The following CELA3B variants were observed in gnomAD, a reference collection of about 807,000 sequenced individuals.
CELA3B encodes the protein chymotrypsin like elastase 3B, also known as chymotrypsin-like elastase family member 3B.
In CELA3B, 34 loss-of-function variants were observed where a neutral mutation model predicts 37.2. That is an observed-to-expected ratio of 0.91 (90% CI 0.70 to 1.22). The LOEUF (loss-of-function observed/expected upper bound fraction) is 1.22, where lower values mean the gene tolerates loss of function less well. CELA3B is among the 50% of genes most tolerant of loss of function. CELA3B has a pLI of 0.00. For synonymous variants in CELA3B, 127 were observed against 143.5 expected (o/e 0.89, Z 0.82); for missense variants, 340 against 363.1 (o/e 0.94, Z 0.52).
At chr1:21,998,591 CCCTT>C (rs533809873) in exon 5 of CELA3B, 1 of 159,002 alleles carries the variant, frequency 6.3e-6, no homozygotes, top group African/African-American at 2.4e-5. Flanking sequence ...AGAGTCCTTT[CCCTT>C]CCTTCATTCA....
At chr1:21,992,486 A>T (rs1247094521), downstream of CELA3B, among the ~76,000 whole-genome samples, 1 of 151,416 alleles carries the variant, frequency 6.6e-6, no homozygotes, top group Non-Finnish European at 1.5e-5. Context: ...TGTAAACCAG[A>T]CAGAACCAGT....
intron 4 of CELA3B, among the ~76,000 whole-genome samples, chr1:21,982,632 C>T (rs564059736): frequency 6.6e-6 from 1 of 152,104 alleles, no homozygotes; most frequent in South Asian, 2.1e-4. Flanking sequence ...TAGCCAAGAT[C>T]CACTGCATCA....
intron 2 of CELA3B, among the ~76,000 whole-genome samples, chr1:21,978,967 G>A (rs1351637287): frequency 6.6e-6 from 1 of 151,392 alleles, no homozygotes; most frequent in African/African-American, 2.4e-5. Context: ...GAATCCCTTG[G>A]ACCCAGGAGG....
At position 21,985,595 on chromosome 1, in the gene CELA3B, GA is replaced by G. The variant is rs35792634; in HGVS notation, c.643-923del. 2.9e-3 allele frequency among the ~76,000 whole-genome samples: 419 copies of G among 143,142 alleles called. 2 individuals carry two copies. Among genetic ancestry groups the G allele is most frequent in the East Asian group, 0.01 (49 of 4,892 alleles). The allele number at this position is 143,142 out of a possible 152,430, so 93.9% of individuals were successfully genotyped here. A position where few individuals can be genotyped will look rare whatever the true frequency, so the allele number is the denominator to read the frequency against. ...CCTGGACTAGACCTTGTCTGTTAAA[GA>G]AAAAAAAAAAAATGGCCGGGCTTGG... On this transcript the variant is annotated intron_variant, in intron 6 of 7. Coordinates refer to ENST00000337107, the MANE Select transcript of CELA3B (RefSeq NM_007352.4).
intron 4 of CELA3B, among the ~76,000 whole-genome samples, chr1:21,981,538 G>A (rs988591220): frequency 9.2e-5 from 14 of 151,686 alleles, no homozygotes; most frequent in African/African-American, 2.7e-4. Context: ...CCAGCACTAT[G>A]GGCACAAGGA....
At chr1:21,991,149 A>G (rs1360133933), downstream of CELA3B, among the ~76,000 whole-genome samples, 3 of 96,414 alleles carry the variant, frequency 3.1e-5, no homozygotes, top group Non-Finnish European at 6.5e-5. Context: ...TCTAAAAAAT[A>G]TTAATTACAA....
At position 21,977,045 on chromosome 1, in the gene CELA3B, G is replaced by C. The variant is rs533371940; in HGVS notation, c.6G>C (p.Met2Ile). 1 of 1,614,128 alleles carries C rather than the reference G, an allele frequency of 6.2e-7. No individual in the cohort carries two copies. The highest frequency in any genetic ancestry group is 2.2e-5 in the East Asian group (1 of 44,888). Residue 2 changes from methionine (M) to isoleucine (I), a missense_variant, in exon 1 of 8, where the codon ATG becomes ATC. Transcript: ENST00000337107. ...TTCCTATCATCGCAAAACTCATGATGCTCCGGCTGCTCAGTTCCCTCCTCC... is the reference window on the plus strand; with the variant it reads ...TTCCTATCATCGCAAAACTCATGATCCTCCGGCTGCTCAGTTCCCTCCTCC... Reference protein sequence around the residue: MMLRLLSSLLLV... With the variant: MILRLLSSLLLV...
At chr1:21,977,737 T>C (rs551348185) in intron 1 of CELA3B, among the ~76,000 whole-genome samples, 3 of 151,880 alleles carry the variant, frequency 2.0e-5, no homozygotes, top group East Asian at 1.9e-4. Context: ...TTTTTTGCTT[T>C]TTTTTTTGTT....
At chr1:21,991,366 C>T (rs556711952), downstream of CELA3B, among the ~76,000 whole-genome samples, 9 of 146,682 alleles carry the variant, frequency 6.1e-5, 1 homozygote, top group South Asian at 8.6e-4. Context: ...GTTGGAGTCT[C>T]GCTCTGTCGC....
downstream of CELA3B, among the ~76,000 whole-genome samples, chr1:21,991,250 G>T (rs1644867437): frequency 1.5e-5 from 2 of 131,984 alleles, no homozygotes; most frequent in South Asian, 5.2e-4. Flanking sequence ...CTGGCTCGCT[G>T]CAACCTCCGC....
intron 4 of CELA3B, among the ~76,000 whole-genome samples, chr1:21,982,735 T>C (rs1465425806): frequency 6.6e-6 from 1 of 152,038 alleles, no homozygotes; most frequent in Non-Finnish European, 1.5e-5. Flanking sequence ...TGGAGTGCAG[T>C]GGCGCAATCT....
intron 7 of CELA3B, chr1:21,987,052 G>A (rs1261531928): frequency 5.1e-5 from 19 of 372,900 alleles, no homozygotes; most frequent in Admixed American, 1.5e-4. Context: ...GATGAGAGCC[G>A]AGAGAGGGGA....
At chr1:21,977,684 G>C (rs1644780281) in intron 1 of CELA3B, among the ~76,000 whole-genome samples, 1 of 152,042 alleles carries the variant, frequency 6.6e-6, no homozygotes, top group African/African-American at 2.4e-5. Context: ...AAGTAAAGTA[G>C]CTTATCATAG....
chr1:21,978,762 T>A (rs1182985741), intron 2 of CELA3B, among the ~76,000 whole-genome samples: 1 of 152,082 alleles, frequency 6.6e-6, no homozygotes, highest in Non-Finnish European at 1.5e-5. Flanking sequence ...AGAGACTCAT[T>A]TCTAGATTCC....
chr1:21,995,781 T>C (rs7528083), intron 4 of CELA3B, among the ~76,000 whole-genome samples: 138,949 of 143,364 alleles, frequency 0.97, 67,667 homozygotes, highest in Non-Finnish European at 1. Context: ...ATCCTGAGGC[T>C]GGAAGAAGGA....
chr1:21,984,161 C>A (rs1300817315), intron 5 of CELA3B, 28 bp from the exon 6 acceptor site: 1 of 1,606,044 alleles, frequency 6.2e-7, no homozygotes. Flanking sequence ...CCCCCAGACC[C>A]CTGACTCGGT....
At chr1:21,987,732 T>A (rs912237085) in intron 7 of CELA3B, 1 of 149,984 alleles carries the variant, frequency 6.7e-6, no homozygotes, top group African/African-American at 2.5e-5. Context: ...CACCTGTGAA[T>A]AGCCACTGTA....
chr1:21,977,289 C>T (rs1557863247), intron 1 of CELA3B, among the ~76,000 whole-genome samples: 2 of 152,072 alleles, frequency 1.3e-5, no homozygotes, highest in South Asian at 2.1e-4. Flanking sequence ...AGAAAGACCC[C>T]AAAGGGCTGT....
downstream of CELA3B, among the ~76,000 whole-genome samples, chr1:21,992,104 G>A (rs148996046): frequency 0.07 from 10,549 of 149,850 alleles, 700 homozygotes; most frequent in East Asian, 0.15. Context: ...TGGGTGACAA[G>A]AGCAAAACTC....
Sources: allele counts gnomAD v4.1 joint callset (sites outside exome capture counted in the v4.1 genomes callset), GRCh38; gene constraint gnomAD v4.1.1; transcripts MANE v1.5; gene names NCBI Gene and HGNC (gene_info 2026-07-23, HGNC 2026-07-21).